The following SBF2 variants were observed in gnomAD, a reference collection of about 807,000 sequenced individuals.
SBF2 encodes the protein myotubularin-related protein 13.
In SBF2, 112 loss-of-function variants were observed where a neutral mutation model predicts 225.2. The ratio of observed to expected loss-of-function variants is 0.50; its 90% CI spans 0.43 to 0.58. The LOEUF (loss-of-function observed/expected upper bound fraction) is 0.58, where lower values mean the gene tolerates loss of function less well. SBF2 is among the 20% of genes least tolerant of loss of function. SBF2 has a pLI of 0.00. For missense variants in SBF2, 1,996 were observed against 2,206.2 expected, an observed-to-expected ratio of 0.90 and a Z score of 1.91; for synonymous variants, 763 against 773.3, an observed-to-expected ratio of 0.99 and a Z score of 0.22.
intron 1 of SBF2, among the ~76,000 whole-genome samples, chr11:10,288,598 T>C (rs1306240480): frequency 6.6e-6 from 1 of 151,900 alleles, no homozygotes; most frequent in Non-Finnish European, 1.5e-5. Flanking sequence ...GGTCCTAGAC[T>C]AGAATGGGTG....
Position 9,790,640 on chromosome 11 carries a change from TC to T in SBF2, c.4613del (p.Gly1538GlufsTer28), listed in dbSNP as rs1431381304. The T allele has an allele frequency of 6.3e-7, 1 of 1,589,496 alleles. No individual in the cohort carries two copies. The highest frequency in any genetic ancestry group is 8.6e-7 in the Non-Finnish European group (1 of 1,158,918). ...TGTCAATACATTCCCAAATACAGAC[TC>T]CTTTTTTGGCATGCTTTTCTCCTTT... is the stretch of plus-strand genomic sequence containing the variant. ...DDKGEKHAKK[G>X]VCIWECIDRM... On this transcript the variant is annotated frameshift_variant, in exon 34 of 40. Coordinates refer to ENST00000256190, the MANE Select transcript of SBF2 (RefSeq NM_030962.4). LOFTEE classifies it high-confidence loss of function.
chr11:10,270,837 G>A (rs945687883), intron 1 of SBF2, among the ~76,000 whole-genome samples: 18 of 151,490 alleles, frequency 1.2e-4, no homozygotes, highest in Non-Finnish European at 1.8e-4. Flanking sequence ...ACTAAAAAAC[G>A]GAAAAAAGTT....
At chr11:10,017,591 C>T (rs1473798633) in intron 6 of SBF2, among the ~76,000 whole-genome samples, 2 of 152,058 alleles carry the variant, frequency 1.3e-5, no homozygotes, top group African/African-American at 2.4e-5. Context: ...CTATCTGTTA[C>T]AAATTTAGCA....
At chr11:10,087,729 TTTTGA>T (rs1316342496) in intron 2 of SBF2, among the ~76,000 whole-genome samples, 2 of 152,218 alleles carry the variant, frequency 1.3e-5, no homozygotes, top group African/African-American at 4.8e-5. Context: ...TAGATGTATA[TTTTGA>T]TTTATTTCCA....
intron 31 of SBF2, chr11:9,808,450 C>T: frequency 1.9e-6 from 1 of 528,882 alleles, no homozygotes; most frequent in South Asian, 2.1e-5. Context: ...TGACAGCAAC[C>T]TTTTCCTAAG....
chr11:10,017,472 T>C lies in SBF2; in HGVS notation c.619+10980A>G, dbSNP rs576801125. Among the ~76,000 whole-genome samples the C allele has an allele frequency of 3.7e-4, 57 of 152,322 alleles. 1 individual carries two copies. The Middle Eastern group carries it at 0.01, about 27-fold the overall frequency. ...CTGAACCAGTATTTATTGTGTACTA[T>C]ACTCCAGACACTAGAATATAGCAGT... is the stretch of plus-strand genomic sequence containing the variant. On this transcript the variant is annotated intron_variant, in intron 6 of 39. Coordinates refer to ENST00000256190, the MANE Select transcript of SBF2 (RefSeq NM_030962.4).
chr11:9,824,821 T>A (rs1854975030), intron 28 of SBF2, among the ~76,000 whole-genome samples: 1 of 152,152 alleles, frequency 6.6e-6, no homozygotes, highest in Non-Finnish European at 1.5e-5. Flanking sequence ...CTGACTTTCC[T>A]TGCTGACAAT....
intron 18 of SBF2, among the ~76,000 whole-genome samples, chr11:9,857,080 C>T (rs975183373): frequency 1.3e-5 from 2 of 152,210 alleles, no homozygotes; most frequent in Non-Finnish European, 2.9e-5. Flanking sequence ...AGCAACCGCG[C>T]CCGGCCTAAC....
At chr11:10,007,593 T>C (rs896329102) in intron 6 of SBF2, among the ~76,000 whole-genome samples, 5 of 152,198 alleles carry the variant, frequency 3.3e-5, no homozygotes, top group Admixed American at 2.0e-4. Flanking sequence ...AAAATGGATC[T>C]AGTGATGATA....
At chr11:9,820,712 A>G (rs556944794) in intron 28 of SBF2, among the ~76,000 whole-genome samples, 151 of 152,300 alleles carry the variant, frequency 9.9e-4, no homozygotes, top group African/African-American at 3.4e-3. Flanking sequence ...GAGGAGCTCT[A>G]TTTGAACTTT....
intron 22 of SBF2, among the ~76,000 whole-genome samples, chr11:9,847,492 G>T (rs1856630314): frequency 7.1e-6 from 1 of 140,594 alleles, no homozygotes; most frequent in Non-Finnish European, 1.5e-5. Flanking sequence ...CTGGTTTAAG[G>T]CAATTTTATA....
chr11:10,210,574 A>G (rs16907575), intron 1 of SBF2, among the ~76,000 whole-genome samples: 14,451 of 152,130 alleles, frequency 0.095, 929 homozygotes, highest in East Asian at 0.28. Flanking sequence ...GTATTAGGAG[A>G]CAACTGGCCG....
intron 32 of SBF2, among the ~76,000 whole-genome samples, chr11:9,802,515 G>A (rs528277346): frequency 6.6e-6 from 1 of 152,320 alleles, no homozygotes; most frequent in Non-Finnish European, 1.5e-5. Flanking sequence ...TGGTTAATAA[G>A]CAGGGAACAC....
chr11:10,143,813 G>C (rs1954762446), intron 2 of SBF2, among the ~76,000 whole-genome samples: 1 of 152,042 alleles, frequency 6.6e-6, no homozygotes, highest in African/African-American at 2.4e-5. Context: ...CGCCTCCCAG[G>C]TTCACGCCAT....
chr11:9,893,986 C>T (rs912453767), intron 17 of SBF2, among the ~76,000 whole-genome samples: 3 of 152,198 alleles, frequency 2.0e-5, no homozygotes, highest in African/African-American at 7.2e-5. Flanking sequence ...TGGCTCACCA[C>T]TGTAATCGCA....
At chr11:10,227,440 T>A (rs1358271219) in intron 1 of SBF2, among the ~76,000 whole-genome samples, 1 of 152,162 alleles carries the variant, frequency 6.6e-6, no homozygotes, top group Non-Finnish European at 1.5e-5. Flanking sequence ...TCTTCTAGGG[T>A]TTTTATGGTT....
At chr11:10,134,804 G>C (rs1317299495) in intron 2 of SBF2, among the ~76,000 whole-genome samples, 1 of 152,076 alleles carries the variant, frequency 6.6e-6, no homozygotes, top group Non-Finnish European at 1.5e-5. Flanking sequence ...CTGCTTTCAC[G>C]GGCTGCTGTT....
intron 16 of SBF2, among the ~76,000 whole-genome samples, chr11:9,903,573 G>A (rs1025764073): frequency 3.9e-5 from 6 of 152,186 alleles, no homozygotes; most frequent in African/African-American, 1.4e-4. Flanking sequence ...TTCAGAGCAG[G>A]AGTGGAAGTT....
intron 2 of SBF2, among the ~76,000 whole-genome samples, chr11:10,173,839 G>A (rs1956330835): frequency 6.6e-6 from 1 of 151,118 alleles, no homozygotes; most frequent in African/African-American, 2.4e-5. Context: ...GCCTCCTCAA[G>A]TGGGTCCCTG....
Sources: allele counts gnomAD v4.1 joint callset (sites outside exome capture counted in the v4.1 genomes callset), GRCh38; gene constraint gnomAD v4.1.1; transcripts MANE v1.5; gene names NCBI Gene and HGNC (gene_info 2026-07-23, HGNC 2026-07-21).